Variants in EPDR1 observed in about 807,000 individuals in gnomAD.
The protein encoded by EPDR1 is mammalian ependymin-related protein 1.
EPDR1 carries 27 observed loss-of-function variants against 23.7 expected under a neutral mutation model. The ratio of observed to expected loss-of-function variants is 1.14; its 90% CI spans 0.84 to 1.57. The LOEUF (loss-of-function observed/expected upper bound fraction) is 1.57. Among genes scored for constraint, EPDR1 ranks in the 40% most tolerant of loss-of-function variants. The pLI, the probability that EPDR1 is intolerant of heterozygous loss-of-function variation, is 0.00. For missense variants in EPDR1, 349 were observed against 290.4 expected (o/e 1.20, Z -1.47); for synonymous variants, 137 against 118.2 (o/e 1.16, Z -1.03).
intron 1 of EPDR1, among the ~76,000 whole-genome samples, chr7:37,934,053 T>C (rs1047299252): frequency 2.5e-4 from 38 of 150,534 alleles, no homozygotes; most frequent in Non-Finnish European, 1.8e-4. Context: ...CTCAGCTCAC[T>C]ACAAGCTCCA....
chr7:37,927,916 T>A (rs776295390), intron 1 of EPDR1, among the ~76,000 whole-genome samples: 2 of 152,184 alleles, frequency 1.3e-5, no homozygotes, highest in Non-Finnish European at 2.9e-5. Context: ...ACCATACTGA[T>A]TTGCAATACT....
intron 1 of EPDR1, among the ~76,000 whole-genome samples, chr7:37,934,130 C>T (rs1786000935): frequency 1.3e-5 from 2 of 152,184 alleles, no homozygotes; most frequent in African/African-American, 4.8e-5. Context: ...GTGCCCACCA[C>T]CACGCCTGGC....
At position 37,945,901 on chromosome 7, in the gene EPDR1, A is replaced by G. The variant is rs574535910; in HGVS notation, c.270-2939A>G. ...CCCCCAAGCTCCACCAACAGGCCCC[A>G]GTGTGTGTTGCTTCCCCGACGCGTC... On this transcript the variant is annotated intron_variant, in intron 1 of 2. Transcript: ENST00000199448. Among the ~76,000 whole-genome samples, 5 of 152,112 alleles carry G rather than the reference A, an allele frequency of 3.3e-5. No homozygotes were observed. The East Asian group carries it at 9.7e-4, about 29-fold the overall frequency.
intron 1 of EPDR1, among the ~76,000 whole-genome samples, chr7:37,947,098 C>G (rs1786291761): frequency 6.6e-6 from 1 of 152,192 alleles, no homozygotes; most frequent in African/African-American, 2.4e-5. Context: ...ACCACTCACT[C>G]ACTCACTCAC....
intron 1 of EPDR1, among the ~76,000 whole-genome samples, chr7:37,928,872 G>A (rs765460641): frequency 1.2e-4 from 19 of 152,100 alleles, no homozygotes; most frequent in Middle Eastern, 3.4e-3. Flanking sequence ...ATTATGTCTC[G>A]GCTGGATGTT....
In EPDR1 at chr7:37,948,987, C is replaced by A; in HGVS notation, c.417C>A (p.Ile139=). The A allele has an allele frequency of 1.2e-6, 2 of 1,613,930 alleles. No homozygotes were observed. Among genetic ancestry groups the A allele is most frequent in the Non-Finnish European group, 1.7e-6 (2 of 1,179,984 alleles). The change falls in exon 2 of 3, where the codon ATC becomes ATA. Residue 139 remains isoleucine, a synonymous_variant. Coordinates refer to ENST00000199448, the MANE Select transcript of EPDR1 (RefSeq NM_017549.5). ...CCACCTTTGAAGACCAGTACTCCAT[C>A]GGGGGGCCTCAGGAGCAGATCACCG... ...QNSTFEDQYS[I]GGPQEQITVQ... is the part of the protein sequence containing the mutation.
At chr7:37,931,424 G>C (rs1164863934) in intron 1 of EPDR1, among the ~76,000 whole-genome samples, 1 of 152,084 alleles carries the variant, frequency 6.6e-6, no homozygotes, top group African/African-American at 2.4e-5. Context: ...TGAGGCAGGA[G>C]AATTGCTGGA....
chr7:37,929,362 T>C (rs1279898592), intron 1 of EPDR1, among the ~76,000 whole-genome samples: 1 of 152,220 alleles, frequency 6.6e-6, no homozygotes, highest in Non-Finnish European at 1.5e-5. Context: ...ACACTTTACA[T>C]TCTTTTCAAC....
chr7:37,920,685 GCAGGCAGTGGCC>G lies in EPDR1; in HGVS notation c.-247_-236del, dbSNP rs1388294937. 2 of 1,232,802 alleles carry G rather than the reference GCAGGCAGTGGCC, an allele frequency of 1.6e-6. No individual in the cohort carries two copies. The highest frequency in any genetic ancestry group is 2.3e-6 in the Non-Finnish European group (2 of 865,100). 76.4% of individuals were successfully genotyped at this position (1,232,802 alleles called of 1,614,324 possible). A position where few individuals can be genotyped will look rare whatever the true frequency, so the allele number is the denominator to read the frequency against. ...AAGGCAGTGGCAGCAGGCAGTGGCA[GCAGGCAGTGGCC>G]CAGGCAGAAATAGCTCCCGCGCGAT... On this transcript the variant is annotated 5_prime_UTR_variant, in exon 1 of 3. Coordinates refer to ENST00000199448, the MANE Select transcript of EPDR1 (RefSeq NM_017549.5).
chr7:37,938,224 T>C (rs1364146223), intron 1 of EPDR1, among the ~76,000 whole-genome samples: 1 of 151,964 alleles, frequency 6.6e-6, no homozygotes, highest in Non-Finnish European at 1.5e-5. Flanking sequence ...TCTCCTTACC[T>C]TGTGATCCGC....
At chr7:37,938,975 A>C (rs1403065005) in intron 1 of EPDR1, among the ~76,000 whole-genome samples, 1 of 143,938 alleles carries the variant, frequency 6.9e-6, no homozygotes, top group South Asian at 2.4e-4. Context: ...CAATTAGGGC[A>C]TGACCAATTT....
chr7:37,949,071 C>T (rs978520009), intron 2 of EPDR1, 23 bp downstream of exon 2: 1 of 1,603,542 alleles, frequency 6.2e-7, no homozygotes, highest in Admixed American at 1.7e-5. Flanking sequence ...AGAATCTAAG[C>T]ATTGTATTCA....
intron 1 of EPDR1, among the ~76,000 whole-genome samples, chr7:37,931,181 T>C (rs1346790810): frequency 6.6e-6 from 1 of 152,192 alleles, no homozygotes; most frequent in Non-Finnish European, 1.5e-5. Context: ...AAAAATAGTC[T>C]TTTTGCTTAA....
rs768449778 is a variant in EPDR1 at position 37,920,859 on chromosome 7, G to A, written c.-81G>A. The A allele has an allele frequency of 6.2e-7, 1 of 1,610,770 alleles. No individual in the cohort carries two copies. The highest frequency in any genetic ancestry group is 1.1e-5 in the South Asian group (1 of 90,674). ...CTCCCGGCACAGTGCGGAAAGAGCC[G>A]GCGGGAGCCACTCTGATCCCGGACG... is the stretch of plus-strand genomic sequence containing the variant. On this transcript the variant is annotated 5_prime_UTR_variant, in exon 1 of 3. Coordinates refer to ENST00000199448, the MANE Select transcript of EPDR1 (RefSeq NM_017549.5).
intron 1 of EPDR1, among the ~76,000 whole-genome samples, chr7:37,933,259 C>A (rs892419417): frequency 3.3e-5 from 5 of 152,190 alleles, no homozygotes; most frequent in African/African-American, 4.8e-5. Flanking sequence ...TTAAACAAAT[C>A]CAAAGTTTGT....
chr7:37,950,423 C>T lies in EPDR1; in HGVS notation c.*27C>T, dbSNP rs1433450296. 1 of 1,578,078 alleles carries T rather than the reference C, an allele frequency of 6.3e-7. No individual in the cohort carries two copies. Among genetic ancestry groups the T allele is most frequent in the African/African-American group, 1.3e-5 (1 of 74,148 alleles). On this transcript the variant is annotated 3_prime_UTR_variant, in exon 3 of 3. Transcript: ENST00000199448. ...CCTGTGCATAGGGAAGCGGCAGCAT[C>T]GGATGTCAGCCCCCTGCGGCCCCAG... is the stretch of plus-strand genomic sequence containing the variant.
intron 1 of EPDR1, among the ~76,000 whole-genome samples, chr7:37,937,658 A>G (rs1323608345): frequency 6.6e-6 from 1 of 152,196 alleles, no homozygotes; most frequent in African/African-American, 2.4e-5. Flanking sequence ...GAGGGGGCAC[A>G]ATGGAGGCTT....
chr7:37,935,518 C>A (rs1786030112), intron 1 of EPDR1, among the ~76,000 whole-genome samples: 1 of 152,106 alleles, frequency 6.6e-6, no homozygotes, highest in Non-Finnish European at 1.5e-5. Context: ...TCATAAGTTT[C>A]AAATTTTTGG....
intron 1 of EPDR1, among the ~76,000 whole-genome samples, chr7:37,944,891 G>A (rs931990968): frequency 7.2e-5 from 11 of 152,142 alleles, no homozygotes; most frequent in Non-Finnish European, 1.6e-4. Flanking sequence ...ATTCTCCAGG[G>A]AACAACTATT....
Sources: allele counts gnomAD v4.1 joint callset (sites outside exome capture counted in the v4.1 genomes callset), GRCh38; gene constraint gnomAD v4.1.1; transcripts MANE v1.5; gene names NCBI Gene and HGNC (gene_info 2026-07-23, HGNC 2026-07-21).